The following KCNH1 variants were observed in gnomAD, a reference collection of about 807,000 sequenced individuals.
KCNH1 encodes the protein voltage-gated delayed rectifier potassium channel KCNH1.
KCNH1 carries 27 observed loss-of-function variants against 69.2 expected under a neutral mutation model. The ratio of observed to expected loss-of-function variants is 0.39; its 90% CI spans 0.29 to 0.54. The LOEUF is 0.54. Ranked by LOEUF, KCNH1 falls within the 20% of genes least tolerant of loss-of-function variation. The probability of loss-of-function intolerance (pLI) is 0.68; values close to 1 mark genes in which losing one functional copy is unlikely to be tolerated. For missense variants in KCNH1, 798 were observed against 1,261.6 expected (o/e 0.63, Z 5.57); for synonymous variants, 456 against 487.7 (o/e 0.93, Z 0.86).
intron 9 of KCNH1, among the ~76,000 whole-genome samples, chr1:210,783,125 C>G (rs1238980392): frequency 6.6e-6 from 1 of 152,178 alleles, no homozygotes; most frequent in Non-Finnish European, 1.5e-5. Flanking sequence ...GCAAATTCCA[C>G]AGGGATTCTC....
At chr1:211,005,658 G>A (rs766213550) in intron 6 of KCNH1, among the ~76,000 whole-genome samples, 5 of 152,110 alleles carry the variant, frequency 3.3e-5, no homozygotes, top group Non-Finnish European at 5.9e-5. Flanking sequence ...AAAACTAGCG[G>A]AAGATTATAT....
At chr1:211,073,855 G>A (rs981473164) in intron 5 of KCNH1, among the ~76,000 whole-genome samples, 9 of 151,124 alleles carry the variant, frequency 6.0e-5, no homozygotes, top group African/African-American at 2.2e-4. Flanking sequence ...ACAAAAATTG[G>A]AGCAGAAAGC....
At chr1:210,722,411 C>T (rs1682492361) in intron 10 of KCNH1, among the ~76,000 whole-genome samples, 1 of 152,060 alleles carries the variant, frequency 6.6e-6, no homozygotes, top group Non-Finnish European at 1.5e-5. Context: ...TTTTAAATTA[C>T]ATAGGTATAT....
chr1:210,986,875 G>C (rs1444764565), intron 6 of KCNH1, among the ~76,000 whole-genome samples: 1 of 152,236 alleles, frequency 6.6e-6, no homozygotes, highest in Admixed American at 6.5e-5. Context: ...ATCCTGCAGA[G>C]TGTTTTCCAA....
intron 6 of KCNH1, among the ~76,000 whole-genome samples, chr1:210,970,006 C>T (rs1688482390): frequency 6.6e-6 from 1 of 152,150 alleles, no homozygotes; most frequent in Non-Finnish European, 1.5e-5. Flanking sequence ...AAGTGATCCT[C>T]CCACCTCAGC....
At position 210,683,205 on chromosome 1, in the gene KCNH1, G is replaced by T; in HGVS notation, c.*76C>A. On this transcript the variant is annotated 3_prime_UTR_variant, in exon 11 of 11. Transcript: ENST00000271751. The surrounding 1 kb of genome is among the most constrained non-coding windows in gnomAD (Gnocchi z 5.7). ...CCTACTTGAAAATTGTTGGTCATGTGGACATATGTGGTAGGGGTGGTGGTG... is the reference window on the plus strand; with the variant it reads ...CCTACTTGAAAATTGTTGGTCATGTTGACATATGTGGTAGGGGTGGTGGTG... 2.2e-6 allele frequency: 3 copies of T among 1,394,436 alleles called. No homozygotes were observed. The highest frequency in any genetic ancestry group is 9.8e-7 in the Non-Finnish European group (1 of 1,021,370). 86.4% of individuals were successfully genotyped at this position (1,394,436 alleles called of 1,614,324 possible). A position where few individuals can be genotyped will look rare whatever the true frequency, so the allele number is the denominator to read the frequency against.
intron 6 of KCNH1, among the ~76,000 whole-genome samples, chr1:210,998,596 A>G (rs909150948): frequency 6.6e-6 from 1 of 152,228 alleles, no homozygotes; most frequent in Non-Finnish European, 1.5e-5. Flanking sequence ...AACATTAGAC[A>G]GATCAACAAG....
intron 7 of KCNH1, among the ~76,000 whole-genome samples, chr1:210,806,822 A>ATATATAT (rs1553346543): frequency 5.7e-4 from 24 of 42,050 alleles, no homozygotes; most frequent in South Asian, 2.9e-3. Flanking sequence ...AAAAAAAAAA[A>ATATATAT]AAAAAAAAAA....
At chr1:211,124,619 A>C (rs1394278676) in intron 1 of KCNH1, among the ~76,000 whole-genome samples, 1 of 152,028 alleles carries the variant, frequency 6.6e-6, no homozygotes, top group Non-Finnish European at 1.5e-5. Context: ...CGGTCAAAAG[A>C]AAGAAAGAAA....
intron 5 of KCNH1, among the ~76,000 whole-genome samples, chr1:211,056,783 C>T (rs1690317543): frequency 6.6e-6 from 1 of 152,216 alleles, no homozygotes; most frequent in East Asian, 1.9e-4. Flanking sequence ...GAAGTTCACT[C>T]AAGACCACCA....
intron 7 of KCNH1, among the ~76,000 whole-genome samples, chr1:210,914,012 T>C (rs1687288201): frequency 1.3e-5 from 2 of 152,070 alleles, no homozygotes; most frequent in Admixed American, 6.5e-5. Context: ...AAAAAAGCCA[T>C]ATGGGATCCC....
At chr1:210,887,627 G>A (rs185630677) in intron 7 of KCNH1, among the ~76,000 whole-genome samples, 23 of 151,042 alleles carry the variant, frequency 1.5e-4, no homozygotes, top group East Asian at 7.8e-4. Flanking sequence ...AAGACCCATC[G>A]GTGTGCTGTA....
intron 5 of KCNH1, among the ~76,000 whole-genome samples, chr1:211,059,234 C>G (rs1166732417): frequency 6.8e-6 from 1 of 147,508 alleles, no homozygotes; most frequent in African/African-American, 2.5e-5. Context: ...GAGCTGAGAT[C>G]ACACCACTAT....
At chr1:210,953,214 T>G (rs1468651754) in intron 6 of KCNH1, among the ~76,000 whole-genome samples, 2 of 152,288 alleles carry the variant, frequency 1.3e-5, no homozygotes, top group African/African-American at 4.8e-5. Context: ...TTCCCTATCT[T>G]AAGGAACTCT....
chr1:210,889,876 G>A (rs932114167), intron 7 of KCNH1, among the ~76,000 whole-genome samples: 2 of 152,106 alleles, frequency 1.3e-5, no homozygotes, highest in African/African-American at 2.4e-5. Context: ...ACAAATCACT[G>A]CTCAAGGAAA....
At chr1:210,953,221 C>A (rs1574357959) in intron 6 of KCNH1, among the ~76,000 whole-genome samples, 1 of 152,166 alleles carries the variant, frequency 6.6e-6, no homozygotes, top group African/African-American at 2.4e-5. Flanking sequence ...TCTTAAGGAA[C>A]TCTATCACGT....
intron 7 of KCNH1, among the ~76,000 whole-genome samples, chr1:210,844,519 T>C (rs1215139534): frequency 2.0e-5 from 3 of 152,196 alleles, no homozygotes; most frequent in Non-Finnish European, 2.9e-5. Flanking sequence ...AGGATGTTCT[T>C]TGAAACCAAT....
chr1:210,860,456 T>C (rs961791057), intron 7 of KCNH1: 18 of 884,924 alleles, frequency 2.0e-5, no homozygotes, highest in African/African-American at 1.6e-4. Flanking sequence ...AGAATTCCCA[T>C]AGCAGTAACT....
intron 1 of KCNH1, among the ~76,000 whole-genome samples, chr1:211,122,270 A>C (rs1691701804): frequency 6.6e-6 from 1 of 152,230 alleles, no homozygotes; most frequent in Admixed American, 6.5e-5. Context: ...TCAAAACCAC[A>C]ATGAGACACT....
Sources: gnomAD v4.1 joint callset for allele counts (sites outside exome capture counted in the v4.1 genomes callset) on GRCh38, gnomAD v4.1.1 for gene constraint, Gnocchi (gnomAD v3.1) non-coding constraint, MANE v1.5 for transcripts, NCBI Gene and HGNC (gene_info 2026-07-23, HGNC 2026-07-21) for gene names.